Variants in THBS4 observed in about 807,000 individuals in gnomAD.
THBS4 encodes thrombospondin 4.
A neutral mutation model predicts 115.7 loss-of-function variants in THBS4; 90 were observed. That is an observed-to-expected ratio of 0.78 (90% CI 0.66 to 0.93). The LOEUF is 0.93. THBS4 is among the 40% of genes least tolerant of loss of function. The probability of loss-of-function intolerance (pLI) is 0.00; values close to 1 mark genes in which losing one functional copy is unlikely to be tolerated. For missense variants in THBS4, 1,087 were observed against 1,232.7 expected (o/e 0.88, Z 1.77); for synonymous variants, 460 against 479.3 (o/e 0.96, Z 0.53).
At chr5:80,034,692 T>A (rs1832653765), upstream of THBS4, among the ~76,000 whole-genome samples, 1 of 152,208 alleles carries the variant, frequency 6.6e-6, no homozygotes, top group African/African-American at 2.4e-5. Context: ...TTCACCAGCC[T>A]AGAAATGGCT....
chr5:80,018,967 A>G (rs1355721448), intron 2 of THBS4, among the ~76,000 whole-genome samples: 4 of 150,668 alleles, frequency 2.7e-5, no homozygotes, highest in Non-Finnish European at 5.9e-5. Context: ...AGAACTGGTT[A>G]AAGTTGGTGT....
At chr5:80,024,828 C>T (rs965350552) in intron 2 of THBS4, among the ~76,000 whole-genome samples, 1 of 152,104 alleles carries the variant, frequency 6.6e-6, no homozygotes, top group Non-Finnish European at 1.5e-5. Context: ...GTAGTGTGCC[C>T]CAGAAGCAAA....
At chr5:80,083,038 GA>G in intron 21 of THBS4, 41 bp from the exon 22 acceptor site, 1 of 1,587,830 alleles carries the variant, frequency 6.3e-7, no homozygotes, top group Non-Finnish European at 8.6e-7. Flanking sequence ...GTCCGGGGTG[GA>G]AGGAGCCTCG....
intron 1 of THBS4, among the ~76,000 whole-genome samples, chr5:79,994,879 G>A (rs1449724299): frequency 1.3e-5 from 2 of 152,346 alleles, no homozygotes; most frequent in East Asian, 3.9e-4. Flanking sequence ...GTCTAGTATG[G>A]TTTTAGACAA....
Position 80,082,558 on chromosome 5 carries a change from C to G in THBS4, c.2824+13C>G. The G allele has an allele frequency of 1.9e-6, 3 of 1,614,002 alleles. No individual in the cohort carries two copies. Among genetic ancestry groups the G allele is most frequent in the African/African-American group, 1.3e-5 (1 of 75,040 alleles). On this transcript the variant is annotated intron_variant, in intron 21 of 21. Transcript: ENST00000350881. Reference sequence around the variant, plus strand: ...TATCGCTGCAATGGTAATGTGCATTCTCGTTACTGTTCAACATTGTTACTA... The same window carrying G: ...TATCGCTGCAATGGTAATGTGCATTGTCGTTACTGTTCAACATTGTTACTA...
chr5:79,997,757 C>T (rs1831824244), intron 1 of THBS4, among the ~76,000 whole-genome samples: 1 of 152,064 alleles, frequency 6.6e-6, no homozygotes, highest in South Asian at 2.1e-4. Context: ...AGTCATAAAG[C>T]AAACCTCAAC....
chr5:79,994,387 A>G (rs1831747834), intron 1 of THBS4, among the ~76,000 whole-genome samples: 1 of 152,210 alleles, frequency 6.6e-6, no homozygotes, highest in Non-Finnish European at 1.5e-5. Flanking sequence ...GTAGTCCATT[A>G]AAAAGCCCAG....
chr5:80,036,425 G>GGGTGAT (rs2112019011), intron 1 of THBS4, among the ~76,000 whole-genome samples: 1 of 152,268 alleles, frequency 6.6e-6, no homozygotes, highest in South Asian at 2.1e-4. Flanking sequence ...TACGTTCACT[G>GGGTGAT]GGTGATGTGT....
chr5:80,042,897 C>A (rs916761137), intron 2 of THBS4, among the ~76,000 whole-genome samples: 6 of 151,940 alleles, frequency 3.9e-5, no homozygotes, highest in African/African-American at 1.5e-4. Flanking sequence ...ACCCAGGAGG[C>A]AGAGGTTGCA....
chr5:80,076,768 C>A, intron 15 of THBS4, 87 bp from the exon 16 acceptor site: 1 of 1,326,792 alleles, frequency 7.5e-7, no homozygotes, highest in Non-Finnish European at 9.9e-7. Context: ...TAAAAAAAAC[C>A]TCAAGCACAG....
rs1365400232 is a variant in THBS4, at chr5:80,060,432, G to A, written c.987+527G>A. On this transcript the variant is annotated intron_variant, in intron 7 of 21. Coordinates refer to ENST00000350881, the MANE Select transcript of THBS4 (RefSeq NM_003248.6). ...TCCAGCAAATACCAGCTATTTGACC[G>A]GCTGGCAGAGCCCCAGAAGAGACTG... 3.3e-5 allele frequency among the ~76,000 whole-genome samples: 5 copies of A among 152,184 alleles called. No homozygotes were observed. In the East Asian group the frequency reaches 7.7e-4, roughly 23 times the overall value.
chr5:80,012,464 A>G (rs1832146611), intron 2 of THBS4, among the ~76,000 whole-genome samples: 1 of 152,226 alleles, frequency 6.6e-6, no homozygotes, highest in Non-Finnish European at 1.5e-5. Context: ...TTAAAACTCT[A>G]GAAACCCAAA....
intron 1 of THBS4, among the ~76,000 whole-genome samples, chr5:79,996,265 AGCCATGGGCAG>A (rs924310920): frequency 1.3e-5 from 2 of 152,234 alleles, no homozygotes; most frequent in African/African-American, 4.8e-5. Flanking sequence ...ATCAAGGGAG[AGCCATGGGCAG>A]GCTAATGATT....
chr5:80,040,226 T>C lies in THBS4; in HGVS notation c.238T>C (p.Ser80Pro). Residue 80 changes from serine to proline, a missense_variant, in exon 2 of 22, where the codon TCA becomes CCA. Physicochemically the swap from Ser to Pro is moderately conservative, Grantham distance 74 (BLOSUM62 -1). Coordinates refer to ENST00000350881, the MANE Select transcript of THBS4 (RefSeq NM_003248.6). ...SSATIFGLYS[S>P]TDNSKYFEFT... ...AGCCACCATCTTCGGTCTTTACTCT[T>C]CAACTGACAACAGTAAATATTTTGA... The C allele has an allele frequency of 6.2e-7, 1 of 1,614,108 alleles. No individual in the cohort carries two copies. The highest frequency in any genetic ancestry group is 8.5e-7 in the Non-Finnish European group (1 of 1,180,018).
Position 80,058,263 on chromosome 5 carries a change from C to A in THBS4, c.598C>A (p.Leu200Met). Residue 200 changes from leucine (L) to methionine (M), a missense_variant, in exon 4 of 22, where the codon CTG (leucine) becomes ATG (methionine). Leu to Met is a conservative substitution (Grantham distance 15). Around this residue, in one of 3 missense-constraint regions of THBS4, gnomAD observed 979 missense variants for 1,103.7 expected, o/e 0.89. Transcript: ENST00000350881. ...AGGCTCACTGTTCCAGGTGGCCAGC[C>A]TGCAAGACTGCTTCCTGCAGCAGAG... ...VRGSLFQVAS[L>M]QDCFLQQSEP... 6.3e-7 allele frequency: 1 copy of A among 1,577,578 alleles called. No individual in the cohort carries two copies. Among genetic ancestry groups the A allele is most frequent in the Non-Finnish European group, 8.6e-7 (1 of 1,160,512 alleles).
intron 2 of THBS4, among the ~76,000 whole-genome samples, chr5:80,025,572 C>T (rs1832459658): frequency 6.6e-6 from 1 of 152,132 alleles, no homozygotes; most frequent in African/African-American, 2.4e-5. Context: ...TCTTACTTTG[C>T]AGGGAGTGGT....
chr5:80,073,476 C>T, intron 15 of THBS4, 149 bp downstream of exon 15: 1 of 708,066 alleles, frequency 1.4e-6, no homozygotes, highest in Non-Finnish European at 2.4e-6. Context: ...CTCCGATTCC[C>T]AGGTTTATGC....
chr5:80,035,601 G>A lies in THBS4; in HGVS notation c.64G>A (p.Ala22Thr). The change falls in exon 1 of 22, where the codon GCA (alanine) becomes ACA (threonine). Residue 22 changes from alanine (A) to threonine (T), a missense_variant. Around this residue, in one of 3 missense-constraint regions of THBS4, gnomAD observed 979 missense variants for 1,103.7 expected, o/e 0.89. Transcript: ENST00000350881. This position sits in a 1 kb window ranked among gnomAD's most constrained non-coding sequence, Gnocchi z 4.6. Reference protein sequence around the residue: ...LHLVLQRWLAAGAQATPQVFD... With the variant: ...LHLVLQRWLATGAQATPQVFD... ...CCTGGTCCTGCAGCGGTGGCTAGCG[G>A]CAGGCGCCCAGGCCACCCCCCAGGG... The A allele has an allele frequency of 2.1e-6, 3 of 1,416,870 alleles. No individual in the cohort carries two copies. Among genetic ancestry groups the A allele is most frequent in the Admixed American group, 5.4e-5 (2 of 37,290 alleles). 87.8% of individuals were successfully genotyped at this position (1,416,870 alleles called of 1,614,324 possible). A position where few individuals can be genotyped will look rare whatever the true frequency, so the allele number is the denominator to read the frequency against.
chr5:80,042,205 G>A (rs1024054675), intron 2 of THBS4, among the ~76,000 whole-genome samples: 1 of 152,140 alleles, frequency 6.6e-6, no homozygotes, highest in Non-Finnish European at 1.5e-5. Context: ...CTAATGAGGG[G>A]GGATTCTGCC....
Sources: allele counts gnomAD v4.1 joint callset (sites outside exome capture counted in the v4.1 genomes callset), GRCh38; gene constraint gnomAD v4.1.1; regional missense constraint gnomAD v4.1.1; non-coding constraint Gnocchi (gnomAD v3.1); transcripts MANE v1.5; gene names NCBI Gene and HGNC (gene_info 2026-07-23, HGNC 2026-07-21).